SPHKAP: variants seen among roughly 807,000 people sequenced by gnomAD.
The protein encoded by SPHKAP is A-kinase anchor protein SPHKAP.
In SPHKAP, 67 loss-of-function variants were observed where a neutral mutation model predicts 137.5. That is an observed-to-expected ratio of 0.49 (90% CI 0.40 to 0.60). The LOEUF is 0.60. Ranked by LOEUF, SPHKAP falls within the 20% of genes least tolerant of loss-of-function variation. The probability of loss-of-function intolerance (pLI) is 0.00; values close to 1 mark genes in which losing one functional copy is unlikely to be tolerated. For synonymous variants in SPHKAP, 813 were observed against 785.3 expected (o/e 1.04, Z -0.59); for missense variants, 2,097 against 2,069.3 (o/e 1.01, Z -0.26).
At chr2:228,154,792 C>T (rs965157665) in intron 1 of SPHKAP, among the ~76,000 whole-genome samples, 7 of 148,408 alleles carry the variant, frequency 4.7e-5, no homozygotes, top group African/African-American at 1.7e-4. Context: ...ATCTCCTGAC[C>T]TCGTGATCTG....
intron 3 of SPHKAP, among the ~76,000 whole-genome samples, chr2:228,058,771 T>C (rs1222296491): frequency 2.6e-5 from 4 of 152,228 alleles, no homozygotes; most frequent in Non-Finnish European, 5.9e-5. Context: ...AATAGAAGAA[T>C]CTGCTTATTC....
At chr2:228,076,195 T>C (rs4350745) in intron 3 of SPHKAP, among the ~76,000 whole-genome samples, 45,007 of 151,928 alleles carry the variant, frequency 0.3, 6,810 homozygotes, top group South Asian at 0.45. Context: ...ACTGTAAGTT[T>C]AATAAACACT....
chr2:228,095,932 G>A (rs868201678), intron 3 of SPHKAP, among the ~76,000 whole-genome samples: 3 of 151,464 alleles, frequency 2.0e-5, no homozygotes, highest in African/African-American at 7.3e-5. Context: ...ATAAAGTAAG[G>A]GCAGGAAATT....
chr2:228,087,640 T>C (rs965629236), intron 3 of SPHKAP, among the ~76,000 whole-genome samples: 1 of 152,028 alleles, frequency 6.6e-6, no homozygotes, highest in Non-Finnish European at 1.5e-5. Context: ...AATTCTGGAA[T>C]TGAAAAGTAT....
chr2:228,127,358 C>G (rs989014204), intron 2 of SPHKAP, among the ~76,000 whole-genome samples: 5 of 152,040 alleles, frequency 3.3e-5, no homozygotes, highest in African/African-American at 1.2e-4. Context: ...TGTTAAATGA[C>G]TTTTTATTGG....
intron 3 of SPHKAP, among the ~76,000 whole-genome samples, chr2:228,088,533 CAT>C (rs1253278902): frequency 1.3e-5 from 2 of 152,104 alleles, no homozygotes; most frequent in Admixed American, 1.3e-4. Context: ...TAATACGAGA[CAT>C]ATAAAAATCA....
chr2:227,992,198 C>T (rs761462745), intron 9 of SPHKAP, among the ~76,000 whole-genome samples: 20 of 152,250 alleles, frequency 1.3e-4, no homozygotes, highest in East Asian at 1.2e-3. Context: ...TGTTGTTTGA[C>T]GATAGATGAT....
intron 3 of SPHKAP, among the ~76,000 whole-genome samples, chr2:228,106,217 A>G (rs1698340361): frequency 6.6e-6 from 1 of 152,236 alleles, no homozygotes; most frequent in African/African-American, 2.4e-5. Context: ...GACATCTTGA[A>G]TTCAGGAAAC....
At chr2:228,042,125 A>G (rs1695875490) in intron 3 of SPHKAP, among the ~76,000 whole-genome samples, 1 of 152,176 alleles carries the variant, frequency 6.6e-6, no homozygotes, top group South Asian at 2.1e-4. Context: ...CAAACAACCA[A>G]TGGAGCATCA....
rs1044317931 is a variant in SPHKAP at position 228,168,826 on chromosome 2, C to T, written c.32+12741G>A. On this transcript the variant is annotated intron_variant, in intron 1 of 11. Coordinates refer to ENST00000392056, the MANE Select transcript of SPHKAP (RefSeq NM_001142644.2). ...GACAGGCCAAAAGCTAGCCCTCTTG[C>T]ATCAAGCAGTTAGCCACATTGTGAA... Among the ~76,000 whole-genome samples, 11 of 152,206 alleles carry T rather than the reference C, an allele frequency of 7.2e-5. 1 individual carries two copies. The highest frequency in any genetic ancestry group is 5.8e-4 in the East Asian group (3 of 5,168).
At chr2:228,026,352 G>A (rs1172267610) in intron 4 of SPHKAP, among the ~76,000 whole-genome samples, 1 of 152,120 alleles carries the variant, frequency 6.6e-6, no homozygotes, top group Admixed American at 6.5e-5. Flanking sequence ...TTTACTCTGT[G>A]TACTAAGCAC....
chr2:228,147,142 C>T (rs1215806059), intron 1 of SPHKAP, among the ~76,000 whole-genome samples: 2 of 152,154 alleles, frequency 1.3e-5, no homozygotes, highest in Non-Finnish European at 2.9e-5. Flanking sequence ...AGTGCAATGC[C>T]TGACAATTAG....
intron 5 of SPHKAP, among the ~76,000 whole-genome samples, chr2:228,024,782 T>G (rs1214168545): frequency 6.6e-6 from 1 of 152,222 alleles, no homozygotes; most frequent in Non-Finnish European, 1.5e-5. Context: ...ACAATTTTAC[T>G]TACATATCTT....
At chr2:228,074,484 A>G (rs751728718) in intron 3 of SPHKAP, among the ~76,000 whole-genome samples, 2 of 152,164 alleles carry the variant, frequency 1.3e-5, no homozygotes, top group Non-Finnish European at 2.9e-5. Flanking sequence ...GAGTGCTGGC[A>G]GGGGAAATGC....
chr2:228,098,053 C>T (rs1355528783), intron 3 of SPHKAP, among the ~76,000 whole-genome samples: 1 of 152,306 alleles, frequency 6.6e-6, no homozygotes, highest in East Asian at 1.9e-4. Flanking sequence ...TTTGAGAAAT[C>T]TCTAAGCTGC....
chr2:228,152,786 A>C (rs1379845458), intron 1 of SPHKAP, among the ~76,000 whole-genome samples: 1 of 151,790 alleles, frequency 6.6e-6, no homozygotes. Context: ...TTCTAAAACT[A>C]ATTAACATTT....
intron 3 of SPHKAP, among the ~76,000 whole-genome samples, chr2:228,060,720 G>A (rs1233017929): frequency 6.6e-6 from 1 of 152,168 alleles, no homozygotes; most frequent in South Asian, 2.1e-4. Context: ...TCTAATGTTG[G>A]GTTCAAATGG....
chr2:228,163,245 A>G (rs1053615391), intron 1 of SPHKAP, among the ~76,000 whole-genome samples: 3 of 152,060 alleles, frequency 2.0e-5, no homozygotes, highest in Admixed American at 6.6e-5. Context: ...TTTTTGCACT[A>G]CCCCAGTGAA....
intron 1 of SPHKAP, among the ~76,000 whole-genome samples, chr2:228,175,312 A>G (rs912135393): frequency 9.2e-5 from 14 of 151,660 alleles, no homozygotes; most frequent in African/African-American, 3.4e-4. Context: ...CATATTTCTA[A>G]TTATTCTAAA....
Sources: gnomAD v4.1 joint callset for allele counts (sites outside exome capture counted in the v4.1 genomes callset) on GRCh38, gnomAD v4.1.1 for gene constraint, MANE v1.5 for transcripts, NCBI Gene and HGNC (gene_info 2026-07-23, HGNC 2026-07-21) for gene names.